IGSF11: variants seen among roughly 807,000 people sequenced by gnomAD.
IGSF11 encodes the protein immunoglobulin superfamily member 11.
A neutral mutation model predicts 41.0 loss-of-function variants in IGSF11; 22 were observed. The ratio of observed to expected loss-of-function variants is 0.54; its 90% CI spans 0.38 to 0.77. The LOEUF (loss-of-function observed/expected upper bound fraction) is 0.77. Among genes scored for constraint, IGSF11 ranks in the 30% least tolerant of loss-of-function variants. The pLI is 0.00. For synonymous variants in IGSF11, 219 were observed against 201.3 expected, an observed-to-expected ratio of 1.09 and a Z score of -0.74; for missense variants, 444 against 530.8, an observed-to-expected ratio of 0.84 and a Z score of 1.61.
At chr3:119,034,913 C>A, upstream of IGSF11, 2 of 966,452 alleles carry the variant, frequency 2.1e-6, no homozygotes, top group Non-Finnish European at 2.6e-6. Context: ...CCAGCCGCAG[C>A]TCGGCTCCTC....
chr3:119,008,481 G>A (rs1368229579), intron 1 of IGSF11, among the ~76,000 whole-genome samples: 1 of 152,200 alleles, frequency 6.6e-6, no homozygotes, highest in African/African-American at 2.4e-5. Context: ...AACCTAGGGA[G>A]TATTCAGAGA....
chr3:119,022,039 G>A (rs988476088), intron 1 of IGSF11, among the ~76,000 whole-genome samples: 6 of 152,182 alleles, frequency 3.9e-5, no homozygotes, highest in Admixed American at 3.3e-4. Context: ...CCAAGTATCC[G>A]TCAACAGAGG....
chr3:118,953,090 A>AT (rs1266332525), intron 1 of IGSF11, among the ~76,000 whole-genome samples: 1 of 151,754 alleles, frequency 6.6e-6, no homozygotes, highest in Admixed American at 6.6e-5. Flanking sequence ...CCATTGTATT[A>AT]TTTTTATACC....
At chr3:119,144,811 G>A (rs2077697549) in intron 1 of IGSF11, among the ~76,000 whole-genome samples, 1 of 152,076 alleles carries the variant, frequency 6.6e-6, no homozygotes, top group African/African-American at 2.4e-5. Context: ...GTCAATACAG[G>A]TTATCTCTTG....
intron 1 of IGSF11, among the ~76,000 whole-genome samples, chr3:119,134,023 GC>G (rs1439932137): frequency 1.3e-5 from 2 of 152,162 alleles, no homozygotes; most frequent in African/African-American, 4.8e-5. Context: ...AGCCCTTCAT[GC>G]TAAAAACTCT....
intron 1 of IGSF11, among the ~76,000 whole-genome samples, chr3:119,007,892 C>T (rs558397681): frequency 3.3e-5 from 5 of 152,298 alleles, no homozygotes; most frequent in South Asian, 2.1e-4. Flanking sequence ...TAGTTCACTT[C>T]CATTGCCTCC....
chr3:118,955,979 T>A (rs920328653), intron 1 of IGSF11, among the ~76,000 whole-genome samples: 1 of 152,334 alleles, frequency 6.6e-6, no homozygotes, highest in East Asian at 1.9e-4. Flanking sequence ...CCTTCATCAA[T>A]GATCTTAGCT....
intron 1 of IGSF11, among the ~76,000 whole-genome samples, chr3:119,044,229 T>G (rs1306552814): frequency 6.6e-6 from 1 of 152,080 alleles, no homozygotes; most frequent in Non-Finnish European, 1.5e-5. Flanking sequence ...TCACAACTTC[T>G]GAAAATGAAA....
chr3:118,924,466 A>T (rs909131867), intron 4 of IGSF11, among the ~76,000 whole-genome samples: 5 of 152,184 alleles, frequency 3.3e-5, no homozygotes, highest in Non-Finnish European at 5.9e-5. Flanking sequence ...AATTTAGATT[A>T]AAAATATTAC....
chr3:119,009,734 GATT>G (rs1443490455), intron 1 of IGSF11, among the ~76,000 whole-genome samples: 3 of 152,136 alleles, frequency 2.0e-5, no homozygotes, highest in African/African-American at 7.2e-5. Flanking sequence ...CATTTCGCCT[GATT>G]ATTTTGATTG....
intron 1 of IGSF11, among the ~76,000 whole-genome samples, chr3:119,132,598 C>G (rs1443535271): frequency 6.6e-6 from 1 of 152,046 alleles, no homozygotes; most frequent in Non-Finnish European, 1.5e-5. Flanking sequence ...CTATAAAAGA[C>G]TTAGACTCCC....
chr3:119,049,686 G>C (rs1298151089), intron 1 of IGSF11, among the ~76,000 whole-genome samples: 2 of 152,260 alleles, frequency 1.3e-5, no homozygotes, highest in South Asian at 4.1e-4. Flanking sequence ...AGCCCTCATT[G>C]ACAAGTCAAT....
chr3:118,986,242 C>T (rs9860173), intron 1 of IGSF11, among the ~76,000 whole-genome samples: 9,177 of 152,182 alleles, frequency 0.06, 458 homozygotes, highest in African/African-American at 0.13. Context: ...CTCTACCTTA[C>T]GTGCAGAGGA....
chr3:119,054,248 A>T (rs1941734117), intron 1 of IGSF11, among the ~76,000 whole-genome samples: 1 of 152,176 alleles, frequency 6.6e-6, no homozygotes, highest in Non-Finnish European at 1.5e-5. Flanking sequence ...GGGGGAGAAA[A>T]ATCTTCACAA....
In IGSF11 at chr3:118,963,864, C is replaced by G. The variant is rs370006346; in HGVS notation, c.53-33589G>C. On this transcript the variant is annotated intron_variant, in intron 1 of 6. Transcript: ENST00000393775. ...TCTAATTGACATTGACTTTAATTGACTGGTGACAGTCTTATGATGGGCCCC... is the reference window on the plus strand; with the variant it reads ...TCTAATTGACATTGACTTTAATTGAGTGGTGACAGTCTTATGATGGGCCCC... Among the ~76,000 whole-genome samples the G allele has an allele frequency of 7.2e-5, 11 of 152,066 alleles. No individual in the cohort carries two copies. The East Asian group carries it at 1.5e-3, about 21-fold the overall frequency.
At chr3:119,005,714 C>T (rs1412431351) in intron 1 of IGSF11, among the ~76,000 whole-genome samples, 3 of 111,602 alleles carry the variant, frequency 2.7e-5, no homozygotes, top group African/African-American at 5.3e-5. Context: ...ATTTCTCCTT[C>T]ACTTATGAAG....
intron 1 of IGSF11, among the ~76,000 whole-genome samples, chr3:119,081,610 C>T (rs2076587221): frequency 6.6e-6 from 1 of 152,170 alleles, no homozygotes; most frequent in Non-Finnish European, 1.5e-5. Flanking sequence ...TCCTGGTTTT[C>T]AACACTTACA....
At chr3:119,091,427 C>T (rs1465448416) in intron 1 of IGSF11, among the ~76,000 whole-genome samples, 1 of 152,092 alleles carries the variant, frequency 6.6e-6, no homozygotes, top group East Asian at 1.9e-4. Context: ...CTGTGCTATT[C>T]GAAATTGCAA....
chr3:118,996,738 C>T (rs1936305531), intron 1 of IGSF11, among the ~76,000 whole-genome samples: 1 of 151,964 alleles, frequency 6.6e-6, no homozygotes, highest in Admixed American at 6.6e-5. Context: ...CAGCTGGGAC[C>T]ACAGGTGCTT....
Sources: allele counts gnomAD v4.1 joint callset (sites outside exome capture counted in the v4.1 genomes callset), GRCh38; gene constraint gnomAD v4.1.1; transcripts MANE v1.5; gene names NCBI Gene and HGNC (gene_info 2026-07-23, HGNC 2026-07-21).